AGBL4: variants seen among roughly 807,000 people sequenced by gnomAD.
AGBL4 encodes AGBL carboxypeptidase 4.
A neutral mutation model predicts 66.4 loss-of-function variants in AGBL4; 58 were observed. That is an observed-to-expected ratio of 0.87 (90% CI 0.71 to 1.09). The LOEUF is 1.09. Ranked by LOEUF, AGBL4 falls within the 50% of genes least tolerant of loss-of-function variation. AGBL4 has a pLI of 0.00. For missense variants in AGBL4, 579 were observed against 631.0 expected, an observed-to-expected ratio of 0.92 and a Z score of 0.88; for synonymous variants, 234 against 222.9, an observed-to-expected ratio of 1.05 and a Z score of -0.44.
At chr1:49,442,858 A>T (rs2148670790) in intron 3 of AGBL4, among the ~76,000 whole-genome samples, 1 of 152,234 alleles carries the variant, frequency 6.6e-6, no homozygotes, top group Admixed American at 6.5e-5. Flanking sequence ...AAATATCCAT[A>T]CTGGTTTCCA....
At chr1:48,937,680 T>C (rs768165888) in intron 5 of AGBL4, among the ~76,000 whole-genome samples, 7 of 152,264 alleles carry the variant, frequency 4.6e-5, no homozygotes, top group Admixed American at 6.5e-5. Context: ...AATAACCAAA[T>C]AAAATCAGGC....
chr1:48,646,564 G>T (rs571110265), intron 8 of AGBL4, among the ~76,000 whole-genome samples: 1 of 119,998 alleles, frequency 8.3e-6, no homozygotes, highest in South Asian at 2.8e-4. Context: ...TGCTGGTGCT[G>T]GAAATACCTT....
chr1:49,780,274 C>T (rs537370234), intron 2 of AGBL4, among the ~76,000 whole-genome samples: 36 of 152,042 alleles, frequency 2.4e-4, no homozygotes, highest in Non-Finnish European at 4.3e-4. Context: ...TTTTTAAAAA[C>T]GTGTAATTGT....
intron 2 of AGBL4, among the ~76,000 whole-genome samples, chr1:49,807,240 C>T (rs1199530262): frequency 6.6e-6 from 1 of 152,102 alleles, no homozygotes; most frequent in African/African-American, 2.4e-5. Context: ...TGACTCCAAC[C>T]CTTGAAAGCT....
chr1:49,948,564 A>AAATAT (rs1553152150), intron 1 of AGBL4, among the ~76,000 whole-genome samples: 1 of 64,610 alleles, frequency 1.5e-5, no homozygotes, highest in Non-Finnish European at 4.1e-5. Context: ...AATATATAAA[A>AAATAT]ATATATATAT....
intron 1 of AGBL4, among the ~76,000 whole-genome samples, chr1:49,971,895 GGGTTTTTTTGGGTTTTTTTTTT>G (rs1204893908): frequency 2.3e-5 from 1 of 43,908 alleles, no homozygotes; most frequent in Non-Finnish European, 5.5e-5. Context: ...TACAAGTGCA[GGGTTTTTTTGGGTTTTTTTTTT>G]TTTTTTTTTT....
At chr1:48,759,156 G>C (rs999900027) in intron 6 of AGBL4, 1 of 1,614,154 alleles carries the variant, frequency 6.2e-7, no homozygotes, top group Admixed American at 1.7e-5. Flanking sequence ...TGCCTGGCGA[G>C]GCCTCCACGA....
At chr1:49,276,110 A>G (rs1644162196) in intron 3 of AGBL4, among the ~76,000 whole-genome samples, 1 of 151,584 alleles carries the variant, frequency 6.6e-6, no homozygotes, top group Non-Finnish European at 1.5e-5. Flanking sequence ...CATTATATAT[A>G]TACATATATA....
At chr1:48,990,416 T>G (rs1015332150) in intron 5 of AGBL4, among the ~76,000 whole-genome samples, 2 of 152,164 alleles carry the variant, frequency 1.3e-5, no homozygotes, top group Non-Finnish European at 2.9e-5. Context: ...CCAGTTTTGC[T>G]TTGGTTGCTT....
intron 6 of AGBL4, among the ~76,000 whole-genome samples, chr1:48,817,234 A>G (rs555560799): frequency 6.6e-5 from 10 of 152,276 alleles, no homozygotes; most frequent in African/African-American, 2.4e-4. Context: ...TCACTGGAAT[A>G]GTGGTATTCT....
the AGBL4 span, among the ~76,000 whole-genome samples, chr1:48,525,703 T>C: frequency 1.3e-5 from 2 of 152,208 alleles, no homozygotes; most frequent in East Asian, 3.9e-4. Context: ...TAATGTCTAA[T>C]ACAGCCAGGC....
intron 4 of AGBL4, among the ~76,000 whole-genome samples, chr1:49,073,890 G>A (rs999685812): frequency 3.9e-5 from 6 of 152,176 alleles, no homozygotes; most frequent in African/African-American, 4.8e-5. Context: ...CAGGAAGATG[G>A]GGGTTTTATC....
intron 4 of AGBL4, among the ~76,000 whole-genome samples, chr1:49,095,755 A>T (rs1276064559): frequency 2.6e-5 from 4 of 151,298 alleles, no homozygotes; most frequent in Admixed American, 6.6e-5. Context: ...AACCTAGGCA[A>T]TACCATTCAG....
intron 3 of AGBL4, among the ~76,000 whole-genome samples, chr1:49,404,519 T>C (rs774195388): frequency 4.6e-5 from 7 of 152,236 alleles, no homozygotes; most frequent in African/African-American, 1.4e-4. Flanking sequence ...TTCTCTGTCA[T>C]AGCATTTATA....
chr1:49,071,979 A>T (rs1644613834), intron 4 of AGBL4, among the ~76,000 whole-genome samples: 2 of 151,960 alleles, frequency 1.3e-5, no homozygotes, highest in Admixed American at 1.3e-4. Flanking sequence ...TGTTGAATTG[A>T]TCCCTTTACC....
At chr1:49,434,665 G>GGTGGTGGTA (rs1489627713) in intron 3 of AGBL4, among the ~76,000 whole-genome samples, 1 of 151,748 alleles carries the variant, frequency 6.6e-6, no homozygotes, top group Non-Finnish European at 1.5e-5. Flanking sequence ...TTGTGGTGGT[G>GGTGGTGGTA]GTGGTGGTAG....
In AGBL4 at chr1:49,266,650, C is replaced by G. The variant is rs184668353; in HGVS notation, c.283-20786G>C. On this transcript the variant is annotated intron_variant, in intron 3 of 13. Transcript: ENST00000371839. ...ACACACGCGAAGGTAGAGTCTGTAG[C>G]CAGCCTAAGGGAAGGAGAGGTGAAT... Among the ~76,000 whole-genome samples, 541 of 151,554 alleles carry G rather than the reference C, an allele frequency of 3.6e-3. 8 individuals carry two copies. Among genetic ancestry groups the G allele is most frequent in the Non-Finnish European group, 9.4e-4 (64 of 67,906 alleles).
intron 6 of AGBL4, among the ~76,000 whole-genome samples, chr1:48,856,384 G>A (rs567810269): frequency 6.6e-6 from 1 of 152,320 alleles, no homozygotes; most frequent in South Asian, 2.1e-4. Context: ...ATTCGATTTT[G>A]TATTGTGCTA....
intron 3 of AGBL4, among the ~76,000 whole-genome samples, chr1:49,696,626 GT>G (rs1296269701): frequency 1.3e-5 from 2 of 151,750 alleles, no homozygotes; most frequent in African/African-American, 4.8e-5. Context: ...TCAGACTTGG[GT>G]ACCCTCCCCA....
Sources: allele counts gnomAD v4.1 joint callset (sites outside exome capture counted in the v4.1 genomes callset), GRCh38; gene constraint gnomAD v4.1.1; transcripts MANE v1.5; gene names NCBI Gene and HGNC (gene_info 2026-07-23, HGNC 2026-07-21).